PLEKHA5: variants seen among roughly 807,000 people sequenced by gnomAD.
The protein encoded by PLEKHA5 is pleckstrin homology domain containing A5, also known as pleckstrin homology domain-containing family A member 5.
Under a neutral mutation model 181.9 loss-of-function variants are expected in PLEKHA5, and 55 were observed. The ratio of observed to expected loss-of-function variants is 0.30; its 90% CI spans 0.24 to 0.38. PLEKHA5 has a LOEUF of 0.38. Among genes scored for constraint, PLEKHA5 ranks in the 10% least tolerant of loss-of-function variants. The pLI, the probability that PLEKHA5 is intolerant of heterozygous loss-of-function variation, is 1.00. For synonymous variants in PLEKHA5, 535 were observed against 529.4 expected (o/e 1.01, Z -0.15); for missense variants, 1,432 against 1,549.5 (o/e 0.92, Z 1.27).
chr12:19,326,836 G>C (rs886912605), intron 20 of PLEKHA5, among the ~76,000 whole-genome samples: 2 of 152,140 alleles, frequency 1.3e-5, no homozygotes, highest in African/African-American at 4.8e-5. Flanking sequence ...TTCTTTTCCT[G>C]CATTAATTTA....
rs141351796 is a variant in PLEKHA5 at position 19,283,728 on chromosome 12, A to T, written c.1762A>T (p.Arg588Trp). ...AGATGTGACAATAGACCGCAGACAC[A>T]GGGCCCATCACCCTAAGGTAAAATA... ...RGDVTIDRRH[R>W]AHHPKHVYVP... Residue 588 changes from arginine to tryptophan, a missense_variant, in exon 12 of 32, where the codon AGG becomes TGG. By Grantham distance (101) the Arg-to-Trp change is moderately radical (BLOSUM62 -3). Coordinates refer to ENST00000429027, the MANE Select transcript of PLEKHA5 (RefSeq NM_001256470.2). 5 of 1,611,204 alleles carry T rather than the reference A, an allele frequency of 3.1e-6. No homozygotes were observed. The highest frequency in any genetic ancestry group is 1.3e-5 in the African/African-American group (1 of 74,866).
At chr12:19,323,974 A>G (rs961880866) in intron 20 of PLEKHA5, among the ~76,000 whole-genome samples, 1 of 152,184 alleles carries the variant, frequency 6.6e-6, no homozygotes, top group South Asian at 2.1e-4. Context: ...TTTAGGTCCT[A>G]TGATGTGGTC....
intron 3 of PLEKHA5, among the ~76,000 whole-genome samples, chr12:19,199,660 C>G (rs1349265815): frequency 6.6e-6 from 1 of 152,076 alleles, no homozygotes; most frequent in East Asian, 1.9e-4. Flanking sequence ...GTTGAGATAC[C>G]AAGTCCCAGC....
chr12:19,340,140 A>T (rs1487016308), intron 21 of PLEKHA5, among the ~76,000 whole-genome samples: 3 of 152,180 alleles, frequency 2.0e-5, no homozygotes, highest in African/African-American at 7.2e-5. Context: ...TACTGGGAGG[A>T]TGTATGTTTT....
At chr12:19,225,596 A>G (rs1360564887) in intron 3 of PLEKHA5, among the ~76,000 whole-genome samples, 1 of 152,086 alleles carries the variant, frequency 6.6e-6, no homozygotes, top group African/African-American at 2.4e-5. Context: ...TGTTAAACCC[A>G]TTTTTCTCAT....
intron 20 of PLEKHA5, among the ~76,000 whole-genome samples, chr12:19,326,714 T>C (rs2728779): frequency 0.91 from 139,233 of 152,192 alleles, 64,524 homozygotes; most frequent in Non-Finnish European, 1. Context: ...AACCTTTATC[T>C]TCCATTCTTT....
chr12:19,331,073 A>C (rs1053224110), intron 20 of PLEKHA5, among the ~76,000 whole-genome samples: 2 of 152,190 alleles, frequency 1.3e-5, no homozygotes, highest in Non-Finnish European at 2.9e-5. Context: ...TAGAAACCCT[A>C]ATTGAGAAGC....
chr12:19,138,459 G>C lies in PLEKHA5; in HGVS notation c.227+6009G>C, dbSNP rs192984882. On this transcript the variant is annotated intron_variant, in intron 3 of 31. Coordinates refer to ENST00000429027, the MANE Select transcript of PLEKHA5 (RefSeq NM_001256470.2). ...GTGGTGGCGGGCTCCTGTAGTCCCA[G>C]CTACTCGGGAGGCTGAGGCAGGAGA... 4.8e-3 allele frequency among the ~76,000 whole-genome samples: 723 copies of C among 151,908 alleles called. 6 individuals carry two copies. Among genetic ancestry groups the C allele is most frequent in the African/African-American group, 0.017 (698 of 41,438 alleles).
Position 19,283,278 on chromosome 12 carries a change from A to G in PLEKHA5, c.1314-2A>G. The stretch of plus-strand genomic sequence containing the variant: ...TACATTTTAATTATTTTTTTATTTT[A>G]GAGTAATTTCTTACCAAACATTACC... On this transcript the variant is annotated splice_acceptor_variant, in intron 11 of 31. Transcript: ENST00000429027. LOFTEE classifies it high-confidence loss of function. The G allele has an allele frequency of 1.9e-6, 3 of 1,554,190 alleles. No homozygotes were observed. Among genetic ancestry groups the G allele is most frequent in the Non-Finnish European group, 2.6e-6 (3 of 1,141,336 alleles).
At position 19,138,563 on chromosome 12, in the gene PLEKHA5, ACT is replaced by A. The variant is rs1313145909; in HGVS notation, c.227+6116_227+6117del. Among the ~76,000 whole-genome samples the A allele has an allele frequency of 9.0e-5, 13 of 144,822 alleles. No homozygotes were observed. In the South Asian group the frequency reaches 1.6e-3, roughly 17 times the overall value. On this transcript the variant is annotated intron_variant, in intron 3 of 31. Coordinates refer to ENST00000429027, the MANE Select transcript of PLEKHA5 (RefSeq NM_001256470.2). ...ACTCCAGCCTGGGTGACAGAGTAAG[ACT>A]CTGTCTCAAAAAAAAAAAAAAAAGA...
intron 26 of PLEKHA5, among the ~76,000 whole-genome samples, chr12:19,354,427 A>G (rs1235328239): frequency 6.9e-6 from 1 of 145,948 alleles, no homozygotes; most frequent in Non-Finnish European, 1.5e-5. Context: ...TGCTGGGATT[A>G]CAGGTGTGAG....
chr12:19,229,859 T>C (rs1337259524), intron 3 of PLEKHA5, among the ~76,000 whole-genome samples: 1 of 152,174 alleles, frequency 6.6e-6, no homozygotes, highest in Non-Finnish European at 1.5e-5. Context: ...TTACAATCCC[T>C]GAGCTAGACA....
intron 2 of PLEKHA5, among the ~76,000 whole-genome samples, chr12:19,131,167 C>T (rs967151478): frequency 2.0e-5 from 3 of 152,118 alleles, no homozygotes; most frequent in Non-Finnish European, 4.4e-5. Context: ...CAGTTTGGGT[C>T]GAAGGCGAGG....
At chr12:19,332,377 T>C (rs2092931959) in intron 20 of PLEKHA5, among the ~76,000 whole-genome samples, 1 of 152,224 alleles carries the variant, frequency 6.6e-6, no homozygotes, top group Non-Finnish European at 1.5e-5. Context: ...TTTAGGAGTT[T>C]AGCCAATATC....
At chr12:19,330,394 A>G (rs571520549) in intron 20 of PLEKHA5, among the ~76,000 whole-genome samples, 1 of 152,254 alleles carries the variant, frequency 6.6e-6, no homozygotes, top group African/African-American at 2.4e-5. Flanking sequence ...GCCCTTTTAA[A>G]CATCTTTTTT....
At chr12:19,325,432 G>C (rs976227352) in intron 20 of PLEKHA5, among the ~76,000 whole-genome samples, 1 of 152,122 alleles carries the variant, frequency 6.6e-6, no homozygotes, top group Non-Finnish European at 1.5e-5. Context: ...GCTCACGCCT[G>C]TAATCCCAGC....
At chr12:19,257,655 AC>A in intron 6 of PLEKHA5, 118 bp downstream of exon 6, 2 of 636,826 alleles carry the variant, frequency 3.1e-6, no homozygotes, top group Non-Finnish European at 5.4e-6. Flanking sequence ...TGGAGAAGCC[AC>A]CCAGGTTATT....
intron 3 of PLEKHA5, among the ~76,000 whole-genome samples, chr12:19,144,024 T>C (rs1285879314): frequency 6.6e-6 from 1 of 152,192 alleles, no homozygotes; most frequent in African/African-American, 2.4e-5. Context: ...AATTGCCCTT[T>C]AGAAAATTTG....
At chr12:19,242,753 C>T (rs979560519) in intron 3 of PLEKHA5, among the ~76,000 whole-genome samples, 1 of 152,102 alleles carries the variant, frequency 6.6e-6, no homozygotes, top group Non-Finnish European at 1.5e-5. Context: ...ACATCATACT[C>T]ATATTTTCTC....
Sources: gnomAD v4.1 joint callset for allele counts (sites outside exome capture counted in the v4.1 genomes callset) on GRCh38, gnomAD v4.1.1 for gene constraint, MANE v1.5 for transcripts, NCBI Gene and HGNC (gene_info 2026-07-23, HGNC 2026-07-21) for gene names.